TUFT1: variants seen among roughly 807,000 people sequenced by gnomAD.
TUFT1 encodes the protein tuftelin.
A neutral mutation model predicts 57.8 loss-of-function variants in TUFT1; 43 were observed. The ratio of observed to expected loss-of-function variants is 0.74; its 90% CI spans 0.58 to 0.96. The LOEUF is 0.96. Ranked by LOEUF, TUFT1 falls within the 40% of genes least tolerant of loss-of-function variation. The pLI, the probability that TUFT1 is intolerant of heterozygous loss-of-function variation, is 0.00. For missense variants in TUFT1, 459 were observed against 489.0 expected (o/e 0.94, Z 0.58); for synonymous variants, 166 against 176.7 (o/e 0.94, Z 0.48).
intron 1 of TUFT1, among the ~76,000 whole-genome samples, chr1:151,542,330 C>G (rs562343207): frequency 6.6e-5 from 10 of 152,164 alleles, no homozygotes; most frequent in Non-Finnish European, 7.4e-5. Context: ...AGTAGATCCT[C>G]CTACCTCAGT....
At chr1:151,554,162 C>T (rs1665597492) in intron 1 of TUFT1, among the ~76,000 whole-genome samples, 1 of 152,186 alleles carries the variant, frequency 6.6e-6, no homozygotes, top group Non-Finnish European at 1.5e-5. Flanking sequence ...GTCACCATGG[C>T]ACGTTTGTCA....
chr1:151,582,161 A>C lies in TUFT1; in HGVS notation c.*454A>C, dbSNP rs1666664628. The C allele has an allele frequency of 2.2e-6, 1 of 459,426 alleles. No homozygotes were observed. Among genetic ancestry groups the C allele is most frequent in the Non-Finnish European group, 4.4e-6 (1 of 229,272 alleles). The allele number at this position is 459,426 out of a possible 1,614,324, so 28.5% of individuals were successfully genotyped here. On this transcript the variant is annotated 3_prime_UTR_variant, in exon 13 of 13. Coordinates refer to ENST00000368849, the MANE Select transcript of TUFT1 (RefSeq NM_020127.3). ...GAAGTTCCTTCCACAAACACAGCTCAGTTCTTAGCAACAAACTGTTTGTTT... is the reference window on the plus strand; with the variant it reads ...GAAGTTCCTTCCACAAACACAGCTCCGTTCTTAGCAACAAACTGTTTGTTT...
chr1:151,565,868 C>T (rs1666052790), intron 5 of TUFT1: 2 of 277,228 alleles, frequency 7.2e-6, no homozygotes, highest in Non-Finnish European at 1.4e-5. Context: ...CCCTACAAGA[C>T]TTTCAAGGCC....
At chr1:151,568,602 C>T (rs1666153376) in intron 6 of TUFT1, among the ~76,000 whole-genome samples, 2 of 152,182 alleles carry the variant, frequency 1.3e-5, no homozygotes, top group Non-Finnish European at 2.9e-5. Flanking sequence ...GCCATTGGCT[C>T]AGGTGAGGAT....
intron 6 of TUFT1, among the ~76,000 whole-genome samples, chr1:151,566,576 G>A (rs1666091158): frequency 6.6e-6 from 1 of 152,068 alleles, no homozygotes; most frequent in Non-Finnish European, 1.5e-5. Context: ...TAGGTGGCCT[G>A]GGCATCAGGA....
chr1:151,548,590 C>T lies in TUFT1; in HGVS notation c.60+8164C>T, dbSNP rs984008722. ...TGCTGGGATTACAGGCTTGAGCCTC[C>T]GTGCCCAGCCTCCCATTTTTCAAAG... is the stretch of plus-strand genomic sequence containing the variant. On this transcript the variant is annotated intron_variant, in intron 1 of 12. Transcript: ENST00000368849. Among the ~76,000 whole-genome samples, 11 of 152,272 alleles carry T rather than the reference C, an allele frequency of 7.2e-5. No individual in the cohort carries two copies. The East Asian group carries it at 1.7e-3, about 24-fold the overall frequency.
chr1:151,547,488 G>T (rs1222263112), intron 1 of TUFT1, among the ~76,000 whole-genome samples: 1 of 152,208 alleles, frequency 6.6e-6, no homozygotes, highest in African/African-American at 2.4e-5. Context: ...TGCGGAAATA[G>T]GTATGTGCCA....
At chr1:151,544,658 G>A (rs562871909) in intron 1 of TUFT1, among the ~76,000 whole-genome samples, 1 of 152,292 alleles carries the variant, frequency 6.6e-6, no homozygotes, top group South Asian at 2.1e-4. Flanking sequence ...GTGCAACGAC[G>A]TGATCTCGGA....
At chr1:151,550,571 C>T (rs1665478267) in intron 1 of TUFT1, among the ~76,000 whole-genome samples, 1 of 152,120 alleles carries the variant, frequency 6.6e-6, no homozygotes, top group Non-Finnish European at 1.5e-5. Context: ...TCTCAAACTC[C>T]AGACCTCAAG....
At chr1:151,567,011 G>C (rs368275765) in intron 6 of TUFT1, among the ~76,000 whole-genome samples, 1 of 151,352 alleles carries the variant, frequency 6.6e-6, no homozygotes. Flanking sequence ...CTCGACCCCC[G>C]GGGTTCAAGC....
rs1558009198 is a variant in TUFT1 at position 151,564,539 on chromosome 1, A to G, written c.339A>G (p.Leu113=). ...VQYIQEARNC[L]QKLREDISSK... is the part of the protein sequence containing the mutation. ...TCCCCTCCCAGGCCAGGAACTGCCT[A>G]CAGAAGCTCCGGGAGGATATAAGTA... is the stretch of plus-strand genomic sequence containing the variant. Residue 113 remains leucine, a synonymous_variant, in exon 5 of 13, where the codon CTA becomes CTG. Transcript: ENST00000368849. 1.9e-6 allele frequency: 3 copies of G among 1,614,068 alleles called. No homozygotes were observed. The highest frequency in any genetic ancestry group is 2.5e-6 in the Non-Finnish European group (3 of 1,179,966).
At chr1:151,569,361 A>T (rs904534706) in intron 6 of TUFT1, among the ~76,000 whole-genome samples, 1 of 152,180 alleles carries the variant, frequency 6.6e-6, no homozygotes, top group Non-Finnish European at 1.5e-5. Flanking sequence ...GCATCCACAT[A>T]TTCACCAAGA....
In TUFT1 at chr1:151,573,207, G is replaced by A. The variant is rs113999656; in HGVS notation, c.595-1063G>A. Reference sequence around the variant, plus strand: ...CATCAGGACACTGACAGTCTACTTCGGGGTGCACAGAGTGACTGGGCAAAA... The same window carrying A: ...CATCAGGACACTGACAGTCTACTTCAGGGTGCACAGAGTGACTGGGCAAAA... On this transcript the variant is annotated intron_variant, in intron 7 of 12. Transcript: ENST00000368849. Among the ~76,000 whole-genome samples, 934 of 152,268 alleles carry A rather than the reference G, an allele frequency of 6.1e-3. 11 individuals are homozygous for A. Among genetic ancestry groups the A allele is most frequent in the African/African-American group, 0.021 (858 of 41,552 alleles).
chr1:151,581,254 C>A (rs923309359), intron 12 of TUFT1, among the ~76,000 whole-genome samples: 2 of 152,112 alleles, frequency 1.3e-5, no homozygotes, highest in African/African-American at 4.8e-5. Flanking sequence ...TGAATGGCTT[C>A]TAGAGATGTA....
chr1:151,575,304 G>A (rs1414674520), intron 9 of TUFT1, among the ~76,000 whole-genome samples: 1 of 152,206 alleles, frequency 6.6e-6, no homozygotes, highest in Non-Finnish European at 1.5e-5. Context: ...CTGTTGCTGT[G>A]TGTCATTCCA....
intron 1 of TUFT1, among the ~76,000 whole-genome samples, chr1:151,549,534 G>A (rs975461099): frequency 6.6e-6 from 1 of 152,238 alleles, no homozygotes; most frequent in Admixed American, 6.5e-5. Flanking sequence ...TCACCCTTGT[G>A]AAGAGATGTA....
Position 151,562,700 on chromosome 1 carries a change from ACCT to A in TUFT1, c.237+17_237+19del. ...GAGATCATTAAGGTAAGCTTAGTTC[ACCT>A]CCAACTTTTCTCCCTGTCCTCTTCC... On this transcript the variant is annotated intron_variant, in intron 3 of 12. Transcript: ENST00000368849. 6.2e-7 allele frequency: 1 copy of A among 1,606,364 alleles called. No individual in the cohort carries two copies. Among genetic ancestry groups the A allele is most frequent in the Non-Finnish European group, 8.5e-7 (1 of 1,174,024 alleles).
At chr1:151,544,506 A>G (rs1352842489) in intron 1 of TUFT1, among the ~76,000 whole-genome samples, 1 of 152,218 alleles carries the variant, frequency 6.6e-6, no homozygotes, top group East Asian at 1.9e-4. Flanking sequence ...CATGTTGGCC[A>G]GGCTGGTCTC....
At chr1:151,563,021 G>A (rs1156633956) in intron 3 of TUFT1, among the ~76,000 whole-genome samples, 2 of 152,034 alleles carry the variant, frequency 1.3e-5, no homozygotes, top group South Asian at 2.1e-4. Flanking sequence ...CCTATAATGG[G>A]TTCATCCTGA....
Sources: allele counts gnomAD v4.1 joint callset (sites outside exome capture counted in the v4.1 genomes callset), GRCh38; gene constraint gnomAD v4.1.1; transcripts MANE v1.5; gene names NCBI Gene and HGNC (gene_info 2026-07-23, HGNC 2026-07-21).